The following NDST4 variants were observed in gnomAD, a reference collection of about 807,000 sequenced individuals.
The protein encoded by NDST4 is N-deacetylase and N-sulfotransferase 4.
NDST4 carries 63 observed loss-of-function variants against 100.8 expected under a neutral mutation model. That is an observed-to-expected ratio of 0.62 (90% confidence interval 0.51 to 0.77). NDST4 has a LOEUF of 0.77. Among genes scored for constraint, NDST4 ranks in the 30% least tolerant of loss-of-function variants. The pLI is 0.00. For missense variants in NDST4, 943 were observed against 1,018.4 expected, an observed-to-expected ratio of 0.93 and a Z score of 1.01; for synonymous variants, 377 against 361.8, an observed-to-expected ratio of 1.04 and a Z score of -0.48.
chr4:115,101,357 T>G (rs1031905760), intron 1 of NDST4, among the ~76,000 whole-genome samples: 1 of 152,132 alleles, frequency 6.6e-6, no homozygotes, highest in South Asian at 2.1e-4. Flanking sequence ...GTTTGCTGAC[T>G]AATAGAAATG....
chr4:114,947,442 T>C (rs1306819187), intron 4 of NDST4, among the ~76,000 whole-genome samples: 2 of 152,184 alleles, frequency 1.3e-5, no homozygotes, highest in Non-Finnish European at 2.9e-5. Flanking sequence ...ATTTTAGCAC[T>C]ACTCCCTTAA....
chr4:114,847,172 C>T (rs1345214670), intron 9 of NDST4, among the ~76,000 whole-genome samples: 1 of 145,564 alleles, frequency 6.9e-6, no homozygotes, highest in Non-Finnish European at 1.5e-5. Context: ...GTCAGGAGAT[C>T]GAGACCATCC....
At chr4:114,893,725 C>T (rs1051542237) in intron 6 of NDST4, among the ~76,000 whole-genome samples, 2 of 151,898 alleles carry the variant, frequency 1.3e-5, no homozygotes, top group African/African-American at 4.8e-5. Context: ...CTTTTGCTGT[C>T]CAGAAGCTCT....
intron 12 of NDST4, among the ~76,000 whole-genome samples, chr4:114,831,041 C>G (rs1396097431): frequency 6.6e-6 from 1 of 152,168 alleles, no homozygotes; most frequent in Non-Finnish European, 1.5e-5. Flanking sequence ...TCATTTCCAA[C>G]CTGGACTTTT....
At chr4:114,866,010 T>C (rs1724018951) in intron 7 of NDST4, among the ~76,000 whole-genome samples, 1 of 152,144 alleles carries the variant, frequency 6.6e-6, no homozygotes, top group Non-Finnish European at 1.5e-5. Context: ...GGAAAAAATA[T>C]TTAAGATAAT....
Position 115,082,750 on chromosome 4 carries a change from A to C in NDST4, c.-246-5468T>G, listed in dbSNP as rs550874247. Among the ~76,000 whole-genome samples, 10 of 151,970 alleles carry C rather than the reference A, an allele frequency of 6.6e-5. No homozygotes were observed. In the East Asian group the frequency reaches 1.9e-3, roughly 29 times the overall value. On this transcript the variant is annotated intron_variant, in intron 1 of 13. Coordinates refer to ENST00000264363, the MANE Select transcript of NDST4 (RefSeq NM_022569.3). Reference sequence around the variant, plus strand: ...GAACGGAACTAAGATTAAACTACTAATGATTTATGATACTAGGATTCTACA... The same window carrying C: ...GAACGGAACTAAGATTAAACTACTACTGATTTATGATACTAGGATTCTACA...
rs540800574 is a variant in NDST4 at position 114,994,621 on chromosome 4, T to G, written c.979-17347A>C. 3.3e-5 allele frequency among the ~76,000 whole-genome samples: 5 copies of G among 152,144 alleles called. No homozygotes were observed. The East Asian group carries it at 7.7e-4, about 23-fold the overall frequency. ...ATTACTGTCAGTTGACTGAGATGAA[T>G]AGGAAATCATGTTCAAATACAAAAA... On this transcript the variant is annotated intron_variant, in intron 2 of 13. Transcript: ENST00000264363.
intron 4 of NDST4, among the ~76,000 whole-genome samples, chr4:114,949,292 A>G (rs1725937713): frequency 6.6e-6 from 1 of 151,962 alleles, no homozygotes; most frequent in South Asian, 2.1e-4. Context: ...AGACAATGGG[A>G]ACAACTTGAA....
At chr4:115,031,706 T>C (rs1212116748) in intron 2 of NDST4, among the ~76,000 whole-genome samples, 2 of 152,122 alleles carry the variant, frequency 1.3e-5, no homozygotes, top group Non-Finnish European at 2.9e-5. Flanking sequence ...AGTGAAAAGT[T>C]GTCCTAGTAA....
chr4:115,086,326 AT>A (rs1354118966), intron 1 of NDST4, among the ~76,000 whole-genome samples: 2 of 152,110 alleles, frequency 1.3e-5, no homozygotes, highest in Non-Finnish European at 2.9e-5. Context: ...GTACAAAGTA[AT>A]GAGTAATTGT....
At position 114,935,311 on chromosome 4, in the gene NDST4, C is replaced by A. The variant is rs1424819849; in HGVS notation, c.1431G>T (p.Gly477=). ...SIMVLPRQTC[G]LFTHTIFYKE... is the part of the protein sequence containing the mutation. Reference sequence around the variant, plus strand: ...TGTAGAAAATAGTGTGAGTGAACAACCCACAAGTCTGTCGAGGGAGGACCT... The same window carrying A: ...TGTAGAAAATAGTGTGAGTGAACAAACCACAAGTCTGTCGAGGGAGGACCT... The change falls in exon 6 of 14, where the codon GGG becomes GGT. Residue 477 remains glycine (G), a synonymous_variant. Transcript: ENST00000264363. 1.2e-6 allele frequency: 2 copies of A among 1,607,936 alleles called. No homozygotes were observed. The highest frequency in any genetic ancestry group is 1.1e-5 in the South Asian group (1 of 90,000).
intron 2 of NDST4, among the ~76,000 whole-genome samples, chr4:115,070,524 TAGTTTCTA>T (rs1729052597): frequency 1.3e-5 from 2 of 152,268 alleles, no homozygotes; most frequent in South Asian, 4.1e-4. Flanking sequence ...AAAACATAAT[TAGTTTCTA>T]GGAGCTTATA....
chr4:114,952,243 A>G (rs1331323199), intron 4 of NDST4, among the ~76,000 whole-genome samples: 1 of 152,184 alleles, frequency 6.6e-6, no homozygotes, highest in East Asian at 1.9e-4. Context: ...AGTGATATAA[A>G]TAGCTCATTT....
At chr4:115,065,758 T>G (rs1193056223) in intron 2 of NDST4, among the ~76,000 whole-genome samples, 2 of 152,152 alleles carry the variant, frequency 1.3e-5, no homozygotes, top group Admixed American at 6.6e-5. Context: ...TTCAACAGAA[T>G]AAAGGCAAAC....
intron 1 of NDST4, among the ~76,000 whole-genome samples, chr4:115,095,144 T>A (rs746930199): frequency 9.2e-5 from 14 of 151,890 alleles, no homozygotes; most frequent in Non-Finnish European, 1.9e-4. Context: ...GCTCCTCAGG[T>A]CTTAACTCAT....
chr4:115,076,658 T>C lies in NDST4; in HGVS notation c.379A>G (p.Lys127Glu), dbSNP rs1228338363. 2 of 1,613,862 alleles carry C rather than the reference T, an allele frequency of 1.2e-6. No homozygotes were observed. The highest frequency in any genetic ancestry group is 2.2e-5 in the East Asian group (1 of 44,772). ...TTTTCATAAATAACTAAAGTATATT[T>C]CCCTTTGCCATTATCTGTAAGAGGA... is the stretch of plus-strand genomic sequence containing the variant. ...IPPLTDNGKG[K>E]YTLVIYENIL... Residue 127 changes from lysine (K) to glutamate (E), a missense_variant, in exon 2 of 14, where the codon AAA (lysine) becomes GAA (glutamate). This residue lies in a region of NDST4 where 417 missense variants were observed against 384.2 expected (regional missense o/e 1.09). Transcript: ENST00000264363.
chr4:115,039,147 C>T (rs1178495409), intron 2 of NDST4, among the ~76,000 whole-genome samples: 1 of 152,002 alleles, frequency 6.6e-6, no homozygotes, highest in Non-Finnish European at 1.5e-5. Flanking sequence ...GTGGGTAGGG[C>T]CAAACTACCT....
In NDST4 at chr4:114,966,769, T is replaced by C. The variant is rs578110993; in HGVS notation, c.1221+3661A>G. 4.5e-3 allele frequency among the ~76,000 whole-genome samples: 685 copies of C among 152,246 alleles called. 4 individuals are homozygous for C. The highest frequency in any genetic ancestry group is 8.1e-3 in the Non-Finnish European group (551 of 67,958). Reference sequence around the variant, plus strand: ...GATTTCATGATGTTCATTCCAAATTTGTGGACCGATGTAATCCACAAATGA... The same window carrying C: ...GATTTCATGATGTTCATTCCAAATTCGTGGACCGATGTAATCCACAAATGA... On this transcript the variant is annotated intron_variant, in intron 4 of 13. Transcript: ENST00000264363.
intron 11 of NDST4, among the ~76,000 whole-genome samples, chr4:114,837,425 TATA>T (rs1318848290): frequency 2.6e-5 from 4 of 152,066 alleles, no homozygotes; most frequent in Admixed American, 6.6e-5. Flanking sequence ...GACTTCAAAC[TATA>T]GTACAAGGCT....
Sources: allele counts gnomAD v4.1 joint callset (sites outside exome capture counted in the v4.1 genomes callset), GRCh38; gene constraint gnomAD v4.1.1; regional missense constraint gnomAD v4.1.1; transcripts MANE v1.5; gene names NCBI Gene and HGNC (gene_info 2026-07-23, HGNC 2026-07-21).